Variants in NUMB observed in about 807,000 individuals in gnomAD.
NUMB encodes protein numb homolog.
NUMB carries 29 observed loss-of-function variants against 59.7 expected under a neutral mutation model. That is an observed-to-expected ratio of 0.49 (90% CI 0.36 to 0.66). The LOEUF is 0.66. Among genes scored for constraint, NUMB ranks in the 30% least tolerant of loss-of-function variants. The pLI is 0.00. For missense variants in NUMB, 723 were observed against 822.0 expected, an observed-to-expected ratio of 0.88 and a Z score of 1.47; for synonymous variants, 288 against 288.2, an observed-to-expected ratio of 1.00 and a Z score of 0.01.
At chr14:73,411,160 T>A (rs1189834078) in intron 1 of NUMB, among the ~76,000 whole-genome samples, 1 of 144,118 alleles carries the variant, frequency 6.9e-6, no homozygotes, top group Non-Finnish European at 1.5e-5. Context: ...ACCTCCTGAG[T>A]AGCTGGGACT....
At chr14:73,408,706 C>T (rs1433627553) in intron 2 of NUMB, among the ~76,000 whole-genome samples, 1 of 151,886 alleles carries the variant, frequency 6.6e-6, no homozygotes, top group South Asian at 2.1e-4. Context: ...GGTGAAACCC[C>T]GTCTCTACTA....
chr14:73,282,652 G>A, intron 10 of NUMB, 147 bp from the exon 11 acceptor site: 1 of 838,222 alleles, frequency 1.2e-6, no homozygotes, highest in Non-Finnish European at 1.7e-6. Flanking sequence ...TACAAAACCA[G>A]TTTCAAAAAA....
chr14:73,388,082 G>A (rs1895648519), intron 2 of NUMB, among the ~76,000 whole-genome samples: 1 of 151,864 alleles, frequency 6.6e-6, no homozygotes, highest in Non-Finnish European at 1.5e-5. Flanking sequence ...CAGCTTGGGC[G>A]ACCAAGTGAG....
At chr14:73,398,380 GAGAGAC>G (rs939620825) in intron 2 of NUMB, among the ~76,000 whole-genome samples, 1 of 123,682 alleles carries the variant, frequency 8.1e-6, no homozygotes, top group East Asian at 4.1e-4. Flanking sequence ...GTATATGAGA[GAGAGAC>G]ACACACAGAG....
intron 1 of NUMB, among the ~76,000 whole-genome samples, chr14:73,451,167 A>AC (rs1595054657): frequency 7.2e-6 from 1 of 139,394 alleles, no homozygotes; most frequent in African/African-American, 2.6e-5. Context: ...AAAAAAAAAA[A>AC]AAAAAAACAA....
intron 3 of NUMB, chr14:73,356,991 C>T: frequency 1.1e-6 from 1 of 927,024 alleles, no homozygotes; most frequent in Non-Finnish European, 1.3e-6. Context: ...AGCCACCATA[C>T]CTGGCCAGAA....
chr14:73,423,623 A>G (rs545122627), intron 1 of NUMB, among the ~76,000 whole-genome samples: 1 of 151,874 alleles, frequency 6.6e-6, no homozygotes, highest in Non-Finnish European at 1.5e-5. Flanking sequence ...CCTGAGCATC[A>G]GAGCAAGATT....
At chr14:73,278,055 A>AAC (rs1888314650) in intron 12 of NUMB, among the ~76,000 whole-genome samples, 2 of 148,530 alleles carry the variant, frequency 1.3e-5, no homozygotes, top group South Asian at 2.1e-4. Context: ...CAAAAAAAAA[A>AAC]AAAAAAAAAA....
intron 3 of NUMB, 107 bp from the exon 4 acceptor site, chr14:73,355,873 T>C (rs1893755451): frequency 1.3e-6 from 1 of 788,782 alleles, no homozygotes; most frequent in African/African-American, 1.8e-5. Context: ...ATTAAAGGTT[T>C]TGGGTTTTAT....
chr14:73,300,564 A>C (rs1193840330), intron 6 of NUMB, among the ~76,000 whole-genome samples: 3 of 152,168 alleles, frequency 2.0e-5, no homozygotes, highest in African/African-American at 7.2e-5. Context: ...AGTTACTCCT[A>C]GTATGATCAA....
At chr14:73,408,254 T>A (rs201863095) in intron 2 of NUMB, among the ~76,000 whole-genome samples, 1 of 7,244 alleles carries the variant, frequency 1.4e-4, no homozygotes, top group Non-Finnish European at 1.9e-4. Context: ...GAAAAAACGT[T>A]AAGATATTTA....
intron 12 of NUMB, among the ~76,000 whole-genome samples, chr14:73,278,519 C>T (rs200013793): frequency 7.5e-6 from 1 of 133,016 alleles, no homozygotes; most frequent in African/African-American, 2.7e-5. Context: ...TACTCCACCT[C>T]CAAAAAAAAA....
intron 2 of NUMB, among the ~76,000 whole-genome samples, chr14:73,383,672 A>G (rs1032788283): frequency 1.3e-5 from 2 of 152,182 alleles, no homozygotes; most frequent in African/African-American, 4.8e-5. Flanking sequence ...AAAACCACGT[A>G]AGCATCTTAC....
chr14:73,407,790 T>C (rs1000531848), intron 2 of NUMB, among the ~76,000 whole-genome samples: 1 of 152,246 alleles, frequency 6.6e-6, no homozygotes, highest in African/African-American at 2.4e-5. Context: ...CATGTGATGT[T>C]TACAGAATTC....
intron 2 of NUMB, among the ~76,000 whole-genome samples, chr14:73,384,023 A>G (rs1895378392): frequency 6.6e-6 from 1 of 152,178 alleles, no homozygotes; most frequent in Admixed American, 6.5e-5. Context: ...TCTCAAAAAA[A>G]TAAATAAATA....
chr14:73,367,454 A>T (rs1367791553), intron 2 of NUMB, among the ~76,000 whole-genome samples: 1 of 151,534 alleles, frequency 6.6e-6, no homozygotes, highest in African/African-American at 2.4e-5. Context: ...ACCAGTAATT[A>T]GCATTCAAGG....
At chr14:73,408,637 G>A (rs578123336) in intron 2 of NUMB, among the ~76,000 whole-genome samples, 48 of 152,166 alleles carry the variant, frequency 3.2e-4, no homozygotes, top group African/African-American at 1.0e-3. Flanking sequence ...CAGCACTTTG[G>A]GAAGCCAAGG....
At chr14:73,329,648 G>C (rs543313082) in intron 4 of NUMB, among the ~76,000 whole-genome samples, 4 of 152,238 alleles carry the variant, frequency 2.6e-5, no homozygotes, top group African/African-American at 9.6e-5. Flanking sequence ...AGGATTTTAG[G>C]AGTTTCTGAC....
chr14:73,328,973 A>G (rs979629437), intron 4 of NUMB, among the ~76,000 whole-genome samples: 1 of 152,164 alleles, frequency 6.6e-6, no homozygotes, highest in Non-Finnish European at 1.5e-5. Context: ...GGTTCAAGCA[A>G]TTCTTCTGCC....
Sources: allele counts gnomAD v4.1 joint callset (sites outside exome capture counted in the v4.1 genomes callset), GRCh38; gene constraint gnomAD v4.1.1; transcripts MANE v1.5; gene names NCBI Gene and HGNC (gene_info 2026-07-23, HGNC 2026-07-21).